The following VSX2 variants were observed in gnomAD, a reference collection of about 807,000 sequenced individuals.
The protein encoded by VSX2 is ceh-10 homeo domain containing homolog.
A neutral mutation model predicts 32.1 loss-of-function variants in VSX2; 28 were observed. The observed-to-expected ratio is 0.87, with a 90% CI of 0.65 to 1.20. The LOEUF (loss-of-function observed/expected upper bound fraction) is 1.20, where lower values mean the gene tolerates loss of function less well. Among genes scored for constraint, VSX2 ranks in the 50% most tolerant of loss-of-function variants. The pLI is 0.00. For synonymous variants in VSX2, 243 were observed against 214.1 expected, an observed-to-expected ratio of 1.14 and a Z score of -1.18; for missense variants, 506 against 488.7, an observed-to-expected ratio of 1.04 and a Z score of -0.33.
chr14:74,262,149 C>T lies in VSX2; in HGVS notation c.*1230C>T, dbSNP rs1350618044. 6.6e-6 allele frequency: 1 copy of T among 152,428 alleles called. No individual in the cohort carries two copies. Among genetic ancestry groups the T allele is most frequent in the Non-Finnish European group, 1.5e-5 (1 of 68,182 alleles). 9.4% of individuals were successfully genotyped at this position (152,428 alleles called of 1,614,324 possible). A position where few individuals can be genotyped will look rare whatever the true frequency, so the allele number is the denominator to read the frequency against. ...CAAGGCAGAAGGCCAGGAGTAAGCC[C>T]AAGCTAAGCTGCAGGCACACACGCC... On this transcript the variant is annotated 3_prime_UTR_variant, in exon 5 of 5. Coordinates refer to ENST00000261980, the MANE Select transcript of VSX2 (RefSeq NM_182894.3).
Position 74,259,746 on chromosome 14 carries a change from G to A in VSX2, c.724G>A (p.Asp242Asn). 7 of 1,613,772 alleles carry A rather than the reference G, an allele frequency of 4.3e-6. No individual in the cohort carries two copies. The highest frequency in any genetic ancestry group is 5.1e-6 in the Non-Finnish European group (6 of 1,179,776). Residue 242 changes from aspartate (D) to asparagine (N), a missense_variant, in exon 4 of 5, where the codon GAT becomes AAT. Asp to Asn is a conservative substitution (Grantham distance 23). Coordinates refer to ENST00000261980, the MANE Select transcript of VSX2 (RefSeq NM_182894.3). ...CGAGTCCATCCTCAAGTCAGCCAAGGATGGCATCATGGACTCCTGTGCCCC... is the reference window on the plus strand; with the variant it reads ...CGAGTCCATCCTCAAGTCAGCCAAGAATGGCATCATGGACTCCTGTGCCCC... ...LPESILKSAKDGIMDSCAPWL... is the reference protein window; with the variant it reads ...LPESILKSAKNGIMDSCAPWL...
At chr14:74,256,526 C>T (rs1289751462) in intron 3 of VSX2, among the ~76,000 whole-genome samples, 2 of 152,134 alleles carry the variant, frequency 1.3e-5, no homozygotes, top group Non-Finnish European at 2.9e-5. Flanking sequence ...GACTGTCACC[C>T]GACCAGGAAG....
intron 3 of VSX2, among the ~76,000 whole-genome samples, chr14:74,252,436 G>C (rs2079235748): frequency 6.6e-6 from 1 of 150,982 alleles, no homozygotes; most frequent in African/African-American, 2.4e-5. Flanking sequence ...TGTTGCCCAG[G>C]CTGGAGTGCA....
At chr14:74,251,311 A>G (rs773090960) in intron 3 of VSX2, among the ~76,000 whole-genome samples, 6 of 152,160 alleles carry the variant, frequency 3.9e-5, no homozygotes, top group Non-Finnish European at 8.8e-5. Flanking sequence ...TTAGCCGGGC[A>G]TGATGGCGGA....
At position 74,239,922 on chromosome 14, in the gene VSX2, G is replaced by T. The variant is rs867628787; in HGVS notation, c.361G>T (p.Ala121Ser). The change falls in exon 1 of 5, where the codon GCC becomes TCC. Residue 121 changes from alanine (A) to serine (S), a missense_variant. Coordinates refer to ENST00000261980, the MANE Select transcript of VSX2 (RefSeq NM_182894.3). ...GGGGCCGCTGGACACCAGCCAGACG[G>T]CCAGCTCGGGTAGGTGAGGAGAGGT... ...ASGPLDTSQT[A>S]SSDSEDVSSS... 2 of 1,565,784 alleles carry T rather than the reference G, an allele frequency of 1.3e-6. No homozygotes were observed. Among genetic ancestry groups the T allele is most frequent in the African/African-American group, 1.4e-5 (1 of 73,974 alleles).
intron 2 of VSX2, among the ~76,000 whole-genome samples, chr14:74,241,737 G>A (rs73307202): frequency 0.045 from 6,833 of 152,186 alleles, 369 homozygotes; most frequent in African/African-American, 0.12. Context: ...TGCTCCCACC[G>A]TTCTCCAAAG....
intron 3 of VSX2, among the ~76,000 whole-genome samples, chr14:74,254,472 CT>C (rs1247032019): frequency 6.6e-6 from 1 of 152,098 alleles, no homozygotes; most frequent in Non-Finnish European, 1.5e-5. Flanking sequence ...TCAGGAACAC[CT>C]GTTTAGCTCT....
chr14:74,245,123 T>C, intron 2 of VSX2, 42 bp from the exon 3 acceptor site: 1 of 1,612,306 alleles, frequency 6.2e-7, no homozygotes, highest in Non-Finnish European at 8.5e-7. Flanking sequence ...ACAGGCTCTT[T>C]TAGTTTCTGG....
intron 2 of VSX2, among the ~76,000 whole-genome samples, chr14:74,243,267 C>G (rs2079162924): frequency 6.6e-6 from 1 of 152,120 alleles, no homozygotes; most frequent in African/African-American, 2.4e-5. Context: ...GTGAGAGTCT[C>G]TCTGATTTTG....
At position 74,261,335 on chromosome 14, in the gene VSX2, G is replaced by A. The variant is rs189778670; in HGVS notation, c.*416G>A. ...AAATGCATTGTGAATTGCCTGCCATGGCTGTGACACAGACGGAGGACTGGA... is the reference window on the plus strand; with the variant it reads ...AAATGCATTGTGAATTGCCTGCCATAGCTGTGACACAGACGGAGGACTGGA... On this transcript the variant is annotated 3_prime_UTR_variant, in exon 5 of 5. Coordinates refer to ENST00000261980, the MANE Select transcript of VSX2 (RefSeq NM_182894.3). 4.9e-4 allele frequency: 96 copies of A among 195,536 alleles called. No individual in the cohort carries two copies. The East Asian group carries it at 8.0e-3, about 16-fold the overall frequency. The allele number at this position is 195,536 out of a possible 1,614,324, so 12.1% of individuals were successfully genotyped here. A position where few individuals can be genotyped will look rare whatever the true frequency, so the allele number is the denominator to read the frequency against.
chr14:74,244,893 T>TGC (rs1258989314), intron 2 of VSX2, among the ~76,000 whole-genome samples: 1 of 51,054 alleles, frequency 2.0e-5, no homozygotes, highest in East Asian at 5.6e-4. Context: ...TGTGTGTGTG[T>TGC]GTGTGTGTGT....
At position 74,239,494 on chromosome 14, in the gene VSX2, G is replaced by A. The variant is rs886050734; in HGVS notation, c.-68G>A. On this transcript the variant is annotated 5_prime_UTR_variant, in exon 1 of 5. Transcript: ENST00000261980. ...GCACCTGGGACCAACTTCGCGAAGC[G>A]GGAAGCCCGGCGGGGGGGTGGGGGG... 8.4e-6 allele frequency: 13 copies of A among 1,547,822 alleles called. No individual in the cohort carries two copies. Among genetic ancestry groups the A allele is most frequent in the Non-Finnish European group, 1.0e-5 (12 of 1,146,262 alleles).
At chr14:74,248,106 A>G (rs1014371005) in intron 3 of VSX2, among the ~76,000 whole-genome samples, 2 of 151,848 alleles carry the variant, frequency 1.3e-5, no homozygotes, top group Non-Finnish European at 2.9e-5. Context: ...TTCCCTCCCC[A>G]TCATTTCCCC....
chr14:74,241,337 T>G lies in VSX2; in HGVS notation c.455+71T>G, dbSNP rs1005487396. The G allele has an allele frequency of 1.9e-5, 29 of 1,508,312 alleles. 3 individuals are homozygous for G. The Middle Eastern group carries it at 2.7e-3, about 138-fold the overall frequency. The allele number at this position is 1,508,312 out of a possible 1,614,324, so 93.4% of individuals were successfully genotyped here. On this transcript the variant is annotated intron_variant, in intron 2 of 4. Coordinates refer to ENST00000261980, the MANE Select transcript of VSX2 (RefSeq NM_182894.3). ...TGCCGTCCCCCGTTCCGGGATCGGGTCTCTCGGACCCTATTTTCGCCGACA... is the reference window on the plus strand; with the variant it reads ...TGCCGTCCCCCGTTCCGGGATCGGGGCTCTCGGACCCTATTTTCGCCGACA...
At position 74,239,716 on chromosome 14, in the gene VSX2, C is replaced by T; in HGVS notation, c.155C>T (p.Ala52Val). The T allele has an allele frequency of 6.5e-7, 1 of 1,549,358 alleles. No homozygotes were observed. The highest frequency in any genetic ancestry group is 8.7e-7 in the Non-Finnish European group (1 of 1,146,692). The change falls in exon 1 of 5, where the codon GCG becomes GTG. Residue 52 changes from alanine to valine, a missense_variant. Coordinates refer to ENST00000261980, the MANE Select transcript of VSX2 (RefSeq NM_182894.3). ...CCCCCGAGCTCCCACCCGCGGGCAG[C>T]GCTCGACGGCCTGGCCCCCGGGCAC... ...KEPPSSHPRAALDGLAPGHLL... is the reference protein window; with the variant it reads ...KEPPSSHPRAVLDGLAPGHLL...
rs1027051676 is a variant in VSX2, at chr14:74,261,610, C to T, written c.*691C>T. ...CCCCGCCATGGTCACCCTCAGGAAC[C>T]CACCCTCTCCACACCCAGCCTGTCC... On this transcript the variant is annotated 3_prime_UTR_variant, in exon 5 of 5. Transcript: ENST00000261980. 3 of 153,264 alleles carry T rather than the reference C, an allele frequency of 2.0e-5. No homozygotes were observed. Among genetic ancestry groups the T allele is most frequent in the African/African-American group, 7.2e-5 (3 of 41,474 alleles). 9.5% of individuals were successfully genotyped at this position (153,264 alleles called of 1,614,324 possible).
intron 3 of VSX2, among the ~76,000 whole-genome samples, chr14:74,250,459 T>C (rs1371362468): frequency 6.6e-6 from 1 of 152,182 alleles, no homozygotes; most frequent in African/African-American, 2.4e-5. Context: ...TACAGAACTA[T>C]GAATGTTCGA....
intron 3 of VSX2, among the ~76,000 whole-genome samples, chr14:74,248,280 C>T (rs1260512238): frequency 1.5e-5 from 2 of 137,082 alleles, no homozygotes; most frequent in Non-Finnish European, 3.1e-5. Flanking sequence ...AATCCTAGCA[C>T]TTTGGGAATC....
In VSX2 at chr14:74,239,914, G is replaced by C. The variant is rs1180668167; in HGVS notation, c.353G>C (p.Ser118Thr). ...AGAGCATCGGGGCCGCTGGACACCA[G>C]CCAGACGGCCAGCTCGGGTAGGTGA... ...LGRASGPLDT[S>T]QTASSDSEDV... Residue 118 changes from serine to threonine, a missense_variant, in exon 1 of 5, where the codon AGC becomes ACC. Physicochemically the swap from Ser to Thr is moderately conservative, Grantham distance 58. Transcript: ENST00000261980. The C allele has an allele frequency of 1.9e-6, 3 of 1,567,948 alleles. No individual in the cohort carries two copies. The African/African-American group carries it at 4.1e-5, about 21-fold the overall frequency.
Sources: allele counts gnomAD v4.1 joint callset (sites outside exome capture counted in the v4.1 genomes callset), GRCh38; gene constraint gnomAD v4.1.1; transcripts MANE v1.5; gene names NCBI Gene and HGNC (gene_info 2026-07-23, HGNC 2026-07-21).